The following CCSER1 variants were observed in gnomAD, a reference collection of about 807,000 sequenced individuals.
CCSER1 encodes the protein serine-rich coiled-coil domain-containing protein 1.
In CCSER1, 41 loss-of-function variants were observed where a neutral mutation model predicts 82.0. The ratio of observed to expected loss-of-function variants is 0.50; its 90% CI spans 0.39 to 0.65. The LOEUF (loss-of-function observed/expected upper bound fraction) is 0.65, where lower values mean the gene tolerates loss of function less well. CCSER1 is among the 30% of genes least tolerant of loss of function. The pLI, the probability that CCSER1 is intolerant of heterozygous loss-of-function variation, is 0.00. For missense variants in CCSER1, 1,119 were observed against 1,064.2 expected, an observed-to-expected ratio of 1.05 and a Z score of -0.72; for synonymous variants, 414 against 383.9, an observed-to-expected ratio of 1.08 and a Z score of -0.92.
chr4:90,495,393 A>G (rs1385793958), intron 5 of CCSER1, among the ~76,000 whole-genome samples: 1 of 152,158 alleles, frequency 6.6e-6, no homozygotes, highest in Non-Finnish European at 1.5e-5. Context: ...CAGGTTGGTT[A>G]ATTTATTTAG....
intron 7 of CCSER1, among the ~76,000 whole-genome samples, chr4:90,811,042 C>T (rs1314206209): frequency 6.6e-6 from 1 of 151,898 alleles, no homozygotes; most frequent in Non-Finnish European, 1.5e-5. Context: ...TTGTGTTAGC[C>T]AGGATGGTCT....
At chr4:90,672,897 A>G (rs1733076038) in intron 6 of CCSER1, among the ~76,000 whole-genome samples, 1 of 152,028 alleles carries the variant, frequency 6.6e-6, no homozygotes, top group Non-Finnish European at 1.5e-5. Flanking sequence ...CACACACAAT[A>G]TTTATCAATT....
intron 9 of CCSER1, among the ~76,000 whole-genome samples, chr4:90,926,854 T>C (rs1258121032): frequency 6.6e-6 from 1 of 152,050 alleles, no homozygotes; most frequent in Non-Finnish European, 1.5e-5. Context: ...CACTGTGTTA[T>C]TAAAACAGGA....
chr4:90,658,607 C>T (rs949648840), intron 6 of CCSER1, among the ~76,000 whole-genome samples: 1 of 152,104 alleles, frequency 6.6e-6, no homozygotes. Flanking sequence ...GTTACATTTG[C>T]CTTTGTGGGT....
chr4:91,158,506 A>G lies in CCSER1; in HGVS notation c.2217+72512A>G, dbSNP rs1473471423. Among the ~76,000 whole-genome samples, 2 of 151,972 alleles carry G rather than the reference A, an allele frequency of 1.3e-5. 1 individual carries two copies. Among genetic ancestry groups the G allele is most frequent in the Middle Eastern group, 6.3e-3 (2 of 316 alleles). On this transcript the variant is annotated intron_variant, in intron 10 of 10. Transcript: ENST00000509176. ...CCACTATCATAAAATCATATACTAT[A>G]TCCTCTCTACTGTATGGCGCATAGT...
At chr4:91,522,711 G>T (rs2110145634) in intron 10 of CCSER1, among the ~76,000 whole-genome samples, 1 of 152,194 alleles carries the variant, frequency 6.6e-6, no homozygotes, top group African/African-American at 2.4e-5. Flanking sequence ...TGTCATTTTT[G>T]CACATTGATT....
chr4:90,231,126 G>T (rs2153427824), intron 1 of CCSER1, among the ~76,000 whole-genome samples: 1 of 152,044 alleles, frequency 6.6e-6, no homozygotes, highest in Non-Finnish European at 1.5e-5. Context: ...ATTTTATGAG[G>T]CCAGCATCAT....
rs757769125 is a variant in CCSER1, at chr4:90,766,052, A to ATG, written c.2010+42073_2010+42074dup. ...GGCATTGTAGGAAAAAAAAGGGAAAATGTGTGTGTGTGTATGTGTCTGTGT... is the reference window on the plus strand; with the variant it reads ...GGCATTGTAGGAAAAAAAAGGGAAAATGTGTGTGTGTGTGTATGTGTCTGTGT... On this transcript the variant is annotated intron_variant, in intron 7 of 10. Coordinates refer to ENST00000509176, the MANE Select transcript of CCSER1 (RefSeq NM_001145065.2). Among the ~76,000 whole-genome samples, 25 of 151,762 alleles carry ATG rather than the reference A, an allele frequency of 1.6e-4. No individual in the cohort carries two copies. In the South Asian group the frequency reaches 1.7e-3, roughly 10 times the overall value.
intron 10 of CCSER1, among the ~76,000 whole-genome samples, chr4:91,103,022 A>C (rs1222158052): frequency 6.6e-6 from 1 of 152,118 alleles, no homozygotes; most frequent in Non-Finnish European, 1.5e-5. Flanking sequence ...CCTTGTGTAA[A>C]CTATCTACAC....
At chr4:90,427,281 GA>G (rs1757654848) in intron 4 of CCSER1, among the ~76,000 whole-genome samples, 1 of 151,678 alleles carries the variant, frequency 6.6e-6, no homozygotes, top group African/African-American at 2.4e-5. Context: ...AATAGTTTAG[GA>G]AAAGAAGAGA....
Position 90,200,151 on chromosome 4 carries a change from G to T in CCSER1, c.-42+72320G>T, listed in dbSNP as rs534111847. ...CTGTTAGCCTAATTAGTAGCACCCA[G>T]TTCCCTAAAACCTGAAGTCATGATG... On this transcript the variant is annotated intron_variant, in intron 1 of 10. Coordinates refer to ENST00000509176, the MANE Select transcript of CCSER1 (RefSeq NM_001145065.2). 1.3e-4 allele frequency among the ~76,000 whole-genome samples: 20 copies of T among 151,330 alleles called. No individual in the cohort carries two copies. The East Asian group carries it at 3.1e-3, about 24-fold the overall frequency.
In CCSER1 at chr4:90,271,837, T is replaced by C. The variant is rs899826928; in HGVS notation, c.-41-36407T>C. ...TGAGACTGGACAATTTATATATATA[T>C]ATATATATATATATATATATATATA... On this transcript the variant is annotated intron_variant, in intron 1 of 10. Coordinates refer to ENST00000509176, the MANE Select transcript of CCSER1 (RefSeq NM_001145065.2). 5.1e-4 allele frequency among the ~76,000 whole-genome samples: 10 copies of C among 19,714 alleles called. No homozygotes were observed. The African/African-American group carries it at 5.2e-3, about 10-fold the overall frequency. The allele number at this position is 19,714 out of a possible 152,430, so 12.9% of individuals were successfully genotyped here. A position where few individuals can be genotyped will look rare whatever the true frequency, so the allele number is the denominator to read the frequency against.
intron 5 of CCSER1, among the ~76,000 whole-genome samples, chr4:90,533,237 G>C (rs573944953): frequency 7.3e-4 from 110 of 151,694 alleles, no homozygotes; most frequent in African/African-American, 2.5e-3. Context: ...GACTACAGGC[G>C]CCTGCCACCA....
At chr4:91,119,370 ATATATC>A (rs1726894369) in intron 10 of CCSER1, among the ~76,000 whole-genome samples, 1 of 152,034 alleles carries the variant, frequency 6.6e-6, no homozygotes. Flanking sequence ...TATATATAAA[ATATATC>A]TAGGAATGTT....
intron 10 of CCSER1, among the ~76,000 whole-genome samples, chr4:91,470,613 T>C (rs983423045): frequency 6.6e-6 from 1 of 152,152 alleles, no homozygotes; most frequent in Non-Finnish European, 1.5e-5. Context: ...TATAGACTTT[T>C]ATCTCTCATG....
At chr4:91,237,098 G>T (rs1366352798) in intron 10 of CCSER1, among the ~76,000 whole-genome samples, 1 of 151,964 alleles carries the variant, frequency 6.6e-6, no homozygotes. Context: ...TTCTTTGTAG[G>T]TTATATGCCC....
At chr4:91,405,662 TGGACCCTC>T (rs1189077897) in intron 10 of CCSER1, among the ~76,000 whole-genome samples, 2 of 152,204 alleles carry the variant, frequency 1.3e-5, no homozygotes, top group African/African-American at 4.8e-5. Flanking sequence ...TCCGTGGCAT[TGGACCCTC>T]CAATCTAAGC....
intron 9 of CCSER1, among the ~76,000 whole-genome samples, chr4:90,991,008 T>C (rs1736983820): frequency 6.6e-6 from 1 of 151,930 alleles, no homozygotes; most frequent in Admixed American, 6.6e-5. Context: ...GCTTACCCTT[T>C]CAAAGACTAA....
chr4:91,165,718 G>A (rs1184895880), intron 10 of CCSER1, among the ~76,000 whole-genome samples: 2 of 152,352 alleles, frequency 1.3e-5, no homozygotes, highest in African/African-American at 2.4e-5. Flanking sequence ...AGGCTCCATG[G>A]GCATGGCACC....
Sources: gnomAD v4.1 joint callset for allele counts (sites outside exome capture counted in the v4.1 genomes callset) on GRCh38, gnomAD v4.1.1 for gene constraint, MANE v1.5 for transcripts, NCBI Gene and HGNC (gene_info 2026-07-23, HGNC 2026-07-21) for gene names.